DCC: variants seen among roughly 807,000 people sequenced by gnomAD.
DCC encodes DCC netrin 1 receptor, also known as netrin receptor DCC.
In DCC, 58 loss-of-function variants were observed where a neutral mutation model predicts 172.5. The observed-to-expected ratio is 0.34, with a 90% CI of 0.27 to 0.42. The LOEUF (loss-of-function observed/expected upper bound fraction) is 0.42. DCC is among the 10% of genes least tolerant of loss of function. The pLI is 1.00. For synonymous variants in DCC, 709 were observed against 644.5 expected, an observed-to-expected ratio of 1.10 and a Z score of -1.52; for missense variants, 1,740 against 1,791.0, an observed-to-expected ratio of 0.97 and a Z score of 0.51.
chr18:53,370,292 G>A (rs2058047542), intron 15 of DCC, among the ~76,000 whole-genome samples: 1 of 151,546 alleles, frequency 6.6e-6, no homozygotes, highest in African/African-American at 2.4e-5. Context: ...AATCAGGAAT[G>A]GTATCCCCAT....
intron 14 of DCC, among the ~76,000 whole-genome samples, chr18:53,331,350 C>A (rs777067609): frequency 2.0e-5 from 3 of 152,144 alleles, no homozygotes; most frequent in Non-Finnish European, 2.9e-5. Context: ...CTCTGCCTCC[C>A]CATACAGAAT....
intron 1 of DCC, among the ~76,000 whole-genome samples, chr18:52,415,299 G>A (rs1227804834): frequency 2.0e-5 from 3 of 151,962 alleles, no homozygotes; most frequent in Admixed American, 6.6e-5. Flanking sequence ...GATTTAGTGC[G>A]GCATAGTGCC....
chr18:53,161,701 T>TC (rs973499597), intron 8 of DCC, among the ~76,000 whole-genome samples: 2 of 152,066 alleles, frequency 1.3e-5, no homozygotes, highest in African/African-American at 4.8e-5. Context: ...ATTCCAGAGT[T>TC]CCCCCCACTT....
chr18:53,470,565 C>T (rs759506563), intron 25 of DCC, among the ~76,000 whole-genome samples: 1 of 152,132 alleles, frequency 6.6e-6, no homozygotes, highest in South Asian at 2.1e-4. Context: ...TCCGTTTTCA[C>T]ACTGCTATAA....
intron 14 of DCC, among the ~76,000 whole-genome samples, chr18:53,337,066 T>C (rs1040735347): frequency 6.6e-6 from 1 of 152,218 alleles, no homozygotes; most frequent in Non-Finnish European, 1.5e-5. Context: ...CACATTACAA[T>C]GATATGTTTA....
chr18:53,147,916 G>GAA (rs2043939740), intron 7 of DCC, among the ~76,000 whole-genome samples: 2 of 152,088 alleles, frequency 1.3e-5, no homozygotes, highest in Non-Finnish European at 2.9e-5. Context: ...TCCTACAATG[G>GAA]TAAAAAGAGC....
intron 21 of DCC, among the ~76,000 whole-genome samples, chr18:53,427,954 A>G (rs865895980): frequency 0.035 from 1,374 of 39,662 alleles, 204 homozygotes; most frequent in African/African-American, 0.078. Flanking sequence ...TATAATATAT[A>G]ATATAATAAT....
intron 2 of DCC, among the ~76,000 whole-genome samples, chr18:52,820,258 G>A (rs909447995): frequency 2.6e-5 from 4 of 152,056 alleles, no homozygotes; most frequent in Admixed American, 6.6e-5. Flanking sequence ...TAAGCCAGAA[G>A]CACCTTAATG....
intron 14 of DCC, among the ~76,000 whole-genome samples, chr18:53,329,375 A>T (rs2057505831): frequency 6.6e-6 from 1 of 152,068 alleles, no homozygotes; most frequent in African/African-American, 2.4e-5. Context: ...ATATTTGAAT[A>T]TTACAAGACA....
At chr18:52,720,326 G>A (rs539548491) in intron 1 of DCC, among the ~76,000 whole-genome samples, 6 of 152,250 alleles carry the variant, frequency 3.9e-5, no homozygotes, top group East Asian at 1.9e-4. Context: ...TTCTATGAGC[G>A]CTCTATGCTC....
intron 5 of DCC, among the ~76,000 whole-genome samples, chr18:52,970,116 A>C (rs1429244691): frequency 1.3e-5 from 2 of 152,150 alleles, no homozygotes; most frequent in Non-Finnish European, 2.9e-5. Flanking sequence ...TAAATCTTAA[A>C]TGCTCCTAGG....
chr18:52,807,089 G>A (rs2038099833), intron 2 of DCC, among the ~76,000 whole-genome samples: 1 of 152,188 alleles, frequency 6.6e-6, no homozygotes, highest in East Asian at 1.9e-4. Flanking sequence ...CAGCTACTCG[G>A]GAGGCTGAGG....
chr18:52,802,585 C>T (rs1328220281), intron 2 of DCC, among the ~76,000 whole-genome samples: 5 of 145,562 alleles, frequency 3.4e-5, no homozygotes, highest in African/African-American at 7.6e-5. Flanking sequence ...CTCAAGTGGT[C>T]CTCCTGTTTC....
chr18:52,657,952 C>T (rs888206547), intron 1 of DCC, among the ~76,000 whole-genome samples: 2 of 152,156 alleles, frequency 1.3e-5, no homozygotes, highest in Admixed American at 1.3e-4. Flanking sequence ...CCAGTGTTAT[C>T]ATCTCATAAT....
intron 1 of DCC, among the ~76,000 whole-genome samples, chr18:52,368,316 C>T (rs2144290326): frequency 6.6e-6 from 1 of 151,910 alleles, no homozygotes; most frequent in South Asian, 2.1e-4. Context: ...CTTTCTATTT[C>T]TTTTAGAATT....
chr18:53,428,719 TTA>T (rs1392951909), intron 21 of DCC, among the ~76,000 whole-genome samples: 7 of 64,748 alleles, frequency 1.1e-4, no homozygotes, highest in South Asian at 4.9e-4. Context: ...TTATATATAT[TTA>T]TATATATTAT....
chr18:52,917,111 C>A, intron 3 of DCC, among the ~76,000 whole-genome samples: 1 of 104,324 alleles, frequency 9.6e-6, no homozygotes, highest in Non-Finnish European at 1.9e-5. Flanking sequence ...GGTGAAACCC[C>A]GTCTCAAAAA....
At chr18:53,264,767 C>A (rs1281055622) in intron 12 of DCC, among the ~76,000 whole-genome samples, 1 of 151,396 alleles carries the variant, frequency 6.6e-6, no homozygotes, top group African/African-American at 2.4e-5. Flanking sequence ...ATTTTTTTTG[C>A]TGAAAAGAAT....
intron 1 of DCC, among the ~76,000 whole-genome samples, chr18:52,697,708 G>C (rs2036037310): frequency 6.6e-6 from 1 of 152,150 alleles, no homozygotes; most frequent in Non-Finnish European, 1.5e-5. Flanking sequence ...ATAGATATAA[G>C]TGCATTGTTA....
Sources: gnomAD v4.1 joint callset for allele counts (sites outside exome capture counted in the v4.1 genomes callset) on GRCh38, gnomAD v4.1.1 for gene constraint, MANE v1.5 for transcripts, NCBI Gene and HGNC (gene_info 2026-07-23, HGNC 2026-07-21) for gene names.